ERGIC2: variants seen among roughly 807,000 people sequenced by gnomAD.
The protein encoded by ERGIC2 is endoplasmic reticulum-Golgi intermediate compartment protein 2.
ERGIC2 carries 31 observed loss-of-function variants against 52.5 expected under a neutral mutation model. The observed-to-expected ratio is 0.59, with a 90% confidence interval of 0.44 to 0.80. ERGIC2 has a LOEUF of 0.80. ERGIC2 is among the 30% of genes least tolerant of loss of function. The pLI is 0.00. For synonymous variants in ERGIC2, 129 were observed against 140.6 expected, an observed-to-expected ratio of 0.92 and a Z score of 0.58; for missense variants, 395 against 455.2, an observed-to-expected ratio of 0.87 and a Z score of 1.20.
At chr12:29,346,953 G>T (rs1035622465) in intron 10 of ERGIC2, among the ~76,000 whole-genome samples, 1 of 152,144 alleles carries the variant, frequency 6.6e-6, no homozygotes, top group African/African-American at 2.4e-5. Context: ...CTCAAGTACA[G>T]GGATGTTAAG....
intron 5 of ERGIC2, among the ~76,000 whole-genome samples, chr12:29,364,831 T>C (rs1163385359): frequency 6.6e-6 from 1 of 151,054 alleles, no homozygotes; most frequent in Non-Finnish European, 1.5e-5. Flanking sequence ...GATATACAAG[T>C]GGTCAACAAA....
rs1348346375 is a variant in ERGIC2, at chr12:29,340,856, G to T, written c.*300C>A. 12 of 462,634 alleles carry T rather than the reference G, an allele frequency of 2.6e-5. No homozygotes were observed. Among genetic ancestry groups the T allele is most frequent in the Non-Finnish European group, 4.1e-5 (10 of 245,300 alleles). 28.7% of individuals were successfully genotyped at this position (462,634 alleles called of 1,614,324 possible). ...AGGCTTTTTATCAGCAAGAAGCAAT[G>T]TCTGATTTTGATACCACCCATTTGC... On this transcript the variant is annotated 3_prime_UTR_variant, in exon 14 of 14. Coordinates refer to ENST00000360150, the MANE Select transcript of ERGIC2 (RefSeq NM_016570.3).
Position 29,356,437 on chromosome 12 carries a change from G to A in ERGIC2, c.517C>T (p.His173Tyr), listed in dbSNP as rs1248092386. ...SSQSPNACRI[H>Y]GHLYVNKVAG... ...ACTTTATTGACATATAGATGGCCATGAATTCTGCATGCATTTGGAGACTGT... is the reference window on the plus strand; with the variant it reads ...ACTTTATTGACATATAGATGGCCATAAATTCTGCATGCATTTGGAGACTGT... Residue 173 changes from histidine to tyrosine, a missense_variant, in exon 8 of 14, where the codon CAT becomes TAT. By Grantham distance (83) the His-to-Tyr change is moderately conservative (BLOSUM62 2). Transcript: ENST00000360150. The A allele has an allele frequency of 6.2e-7, 1 of 1,603,678 alleles. No individual in the cohort carries two copies. The highest frequency in any genetic ancestry group is 1.3e-5 in the African/African-American group (1 of 74,674).
At chr12:29,353,227 T>C (rs1264605339) in intron 8 of ERGIC2, among the ~76,000 whole-genome samples, 3 of 152,204 alleles carry the variant, frequency 2.0e-5, no homozygotes, top group Admixed American at 6.5e-5. Context: ...CTGGAATGAT[T>C]GGTAGTTTGG....
chr12:29,367,288 A>C (rs553497342), intron 4 of ERGIC2, among the ~76,000 whole-genome samples: 2 of 151,920 alleles, frequency 1.3e-5, no homozygotes, highest in South Asian at 4.1e-4. Context: ...GAACCTAATC[A>C]CAAGTACTAA....
At chr12:29,346,931 G>A (rs1328614959) in intron 10 of ERGIC2, among the ~76,000 whole-genome samples, 1 of 152,194 alleles carries the variant, frequency 6.6e-6, no homozygotes, top group Non-Finnish European at 1.5e-5. Context: ...CCTTTTGTTA[G>A]AGATGAAGCA....
At chr12:29,355,461 T>C (rs1427023325) in intron 8 of ERGIC2, among the ~76,000 whole-genome samples, 1 of 152,176 alleles carries the variant, frequency 6.6e-6, no homozygotes, top group Non-Finnish European at 1.5e-5. Context: ...AAAAATGTCT[T>C]GTACAATAAA....
At chr12:29,366,751 G>T in intron 5 of ERGIC2, 126 bp downstream of exon 5, 2 of 502,928 alleles carry the variant, frequency 4.0e-6, no homozygotes, top group Non-Finnish European at 6.9e-6. Context: ...AAAGAATATG[G>T]ATTACTTTTG....
At position 29,349,216 on chromosome 12, in the gene ERGIC2, T is replaced by C. The variant is rs781541158; in HGVS notation, c.629-39A>G. 31 of 1,004,698 alleles carry C rather than the reference T, an allele frequency of 3.1e-5. No individual in the cohort carries two copies. In the East Asian group the frequency reaches 7.7e-4, roughly 25 times the overall value. The allele number at this position is 1,004,698 out of a possible 1,614,324, so 62.2% of individuals were successfully genotyped here. Reference sequence around the variant, plus strand: ...AATAAAAACAACTTAGCAGAGAAATTATATTATTCAAAATTACTTGGTACA... The same window carrying C: ...AATAAAAACAACTTAGCAGAGAAATCATATTATTCAAAATTACTTGGTACA... On this transcript the variant is annotated intron_variant, in intron 9 of 13. Coordinates refer to ENST00000360150, the MANE Select transcript of ERGIC2 (RefSeq NM_016570.3).
chr12:29,361,143 T>G (rs911787005), intron 6 of ERGIC2, among the ~76,000 whole-genome samples: 1 of 152,062 alleles, frequency 6.6e-6, no homozygotes, highest in African/African-American at 2.4e-5. Context: ...CGCCAGCTAC[T>G]CAGGAGGCTG....
chr12:29,366,010 C>T (rs903767179), intron 5 of ERGIC2, among the ~76,000 whole-genome samples: 7 of 151,918 alleles, frequency 4.6e-5, no homozygotes, highest in Non-Finnish European at 7.4e-5. Context: ...TCAAAACTGG[C>T]CAAGGACTTC....
intron 1 of ERGIC2, among the ~76,000 whole-genome samples, chr12:29,379,797 A>G (rs1035114811): frequency 2.6e-5 from 4 of 152,150 alleles, no homozygotes; most frequent in African/African-American, 9.7e-5. Context: ...TTGGGAAACT[A>G]TTAAATAGGA....
intron 8 of ERGIC2, among the ~76,000 whole-genome samples, chr12:29,356,134 G>A (rs1200660271): frequency 6.6e-6 from 1 of 151,782 alleles, no homozygotes; most frequent in Non-Finnish European, 1.5e-5. Flanking sequence ...CGATTCTCCT[G>A]CCTCAGCCCC....
At chr12:29,350,146 C>T (rs1040135623) in intron 8 of ERGIC2, 78 bp from the exon 9 acceptor site, 4 of 835,856 alleles carry the variant, frequency 4.8e-6, no homozygotes, top group Non-Finnish European at 5.8e-6. Flanking sequence ...TGGATCTTCC[C>T]TAAGTTATAT....
At chr12:29,371,376 G>T in intron 2 of ERGIC2, 152 bp downstream of exon 2, 1 of 530,590 alleles carries the variant, frequency 1.9e-6, no homozygotes. Flanking sequence ...AAGAATTACA[G>T]CCAACAGAGT....
At chr12:29,373,918 T>G (rs1335407527) in intron 1 of ERGIC2, among the ~76,000 whole-genome samples, 1 of 152,200 alleles carries the variant, frequency 6.6e-6, no homozygotes, top group Non-Finnish European at 1.5e-5. Context: ...GCTCTGATAA[T>G]CAAATTTATT....
chr12:29,374,925 T>C (rs1199795728), intron 1 of ERGIC2, among the ~76,000 whole-genome samples: 1 of 152,146 alleles, frequency 6.6e-6, no homozygotes, highest in East Asian at 1.9e-4. Flanking sequence ...TTGTAAAACT[T>C]CCCTTCCCAC....
In ERGIC2 at chr12:29,357,671, A is replaced by T; in HGVS notation, c.428T>A (p.Val143Glu). The T allele has an allele frequency of 6.2e-7, 1 of 1,609,778 alleles. No homozygotes were observed. The highest frequency in any genetic ancestry group is 8.5e-7 in the Non-Finnish European group (1 of 1,176,558). Reference sequence around the variant, plus strand: ...ACTTTTAAAAGCACTTTTAAATATCACATCTTGAAGTGAATGCTCTTCTTG... The same window carrying T: ...ACTTTTAAAAGCACTTTTAAATATCTCATCTTGAAGTGAATGCTCTTCTTG... Reference protein sequence around the residue: ...RLQEEHSLQDVIFKSAFKSTS... With the variant: ...RLQEEHSLQDEIFKSAFKSTS... The change falls in exon 7 of 14, where the codon GTG becomes GAG. Residue 143 changes from valine (V) to glutamate (E), a missense_variant. Transcript: ENST00000360150.
rs142536743 is a variant in ERGIC2 at position 29,356,313 on chromosome 12, G to C, written c.572+69C>G. ...GCTGGGATTACAGGCGCGAGCCATC[G>C]GCCAGAATTTACTTTTAACCAAGCT... On this transcript the variant is annotated intron_variant, in intron 8 of 13. Coordinates refer to ENST00000360150, the MANE Select transcript of ERGIC2 (RefSeq NM_016570.3). 1,901 of 932,310 alleles carry C rather than the reference G, an allele frequency of 2.0e-3. 23 individuals are homozygous for C. In the African/African-American group the frequency reaches 0.028, roughly 14 times the overall value. 57.8% of individuals were successfully genotyped at this position (932,310 alleles called of 1,614,324 possible). A position where few individuals can be genotyped will look rare whatever the true frequency, so the allele number is the denominator to read the frequency against.
Sources: gnomAD v4.1 joint callset for allele counts (sites outside exome capture counted in the v4.1 genomes callset) on GRCh38, gnomAD v4.1.1 for gene constraint, MANE v1.5 for transcripts, NCBI Gene and HGNC (gene_info 2026-07-23, HGNC 2026-07-21) for gene names.